GKAP1: variants seen among roughly 807,000 people sequenced by gnomAD.
GKAP1 encodes the protein G kinase-anchoring protein 1.
GKAP1 carries 31 observed loss-of-function variants against 56.7 expected under a neutral mutation model. The observed-to-expected ratio is 0.55, with a 90% CI of 0.41 to 0.74. GKAP1 has a LOEUF of 0.74. Ranked by LOEUF, GKAP1 falls within the 30% of genes least tolerant of loss-of-function variation. The pLI is 0.00. For missense variants in GKAP1, 364 were observed against 402.3 expected, an observed-to-expected ratio of 0.90 and a Z score of 0.82; for synonymous variants, 151 against 138.6, an observed-to-expected ratio of 1.09 and a Z score of -0.63.
intron 10 of GKAP1, among the ~76,000 whole-genome samples, chr9:83,746,295 T>C (rs143003419): frequency 7.2e-5 from 11 of 152,354 alleles, no homozygotes; most frequent in East Asian, 1.9e-4. Flanking sequence ...TGGTATACAA[T>C]TGCTTGCAGG....
intron 12 of GKAP1, 48 bp downstream of exon 12, chr9:83,741,904 C>T: frequency 8.5e-7 from 1 of 1,175,344 alleles, no homozygotes; most frequent in Non-Finnish European, 1.2e-6. Context: ...GTATCTACTC[C>T]AAATGTATTA....
chr9:83,780,252 G>C (rs972443469), intron 7 of GKAP1, 130 bp downstream of exon 7: 2 of 560,170 alleles, frequency 3.6e-6, no homozygotes, highest in African/African-American at 4.0e-5. Context: ...ACATGACTGG[G>C]TTCACTCAAG....
intron 4 of GKAP1, among the ~76,000 whole-genome samples, chr9:83,798,663 G>A (rs528185919): frequency 2.6e-5 from 4 of 152,016 alleles, no homozygotes; most frequent in Non-Finnish European, 4.4e-5. Flanking sequence ...ACAAGTGTGC[G>A]CCTCCATGCC....
intron 9 of GKAP1, among the ~76,000 whole-genome samples, chr9:83,751,363 C>G (rs1315887421): frequency 6.6e-6 from 1 of 152,140 alleles, no homozygotes; most frequent in East Asian, 1.9e-4. Flanking sequence ...TTTGTCTGTT[C>G]TTCTGGAGCA....
At chr9:83,794,910 T>A (rs1021289931) in intron 4 of GKAP1, among the ~76,000 whole-genome samples, 1 of 151,930 alleles carries the variant, frequency 6.6e-6, no homozygotes, top group East Asian at 1.9e-4. Flanking sequence ...AGCACTTTGG[T>A]AGGTGGAGGT....
rs1018669307 is a variant in GKAP1, at chr9:83,759,900, G to A, written c.739-6541C>T. ...CTTCAAAAAGTCTTTAACGTCTGCT[G>A]ACTAAATTATAAACCAGCCTTTAAA... On this transcript the variant is annotated intron_variant, in intron 8 of 12. Transcript: ENST00000376371. Among the ~76,000 whole-genome samples the A allele has an allele frequency of 5.3e-5, 8 of 152,254 alleles. No homozygotes were observed. The East Asian group carries it at 1.3e-3, about 26-fold the overall frequency.
At chr9:83,813,047 T>C (rs186852132) in intron 2 of GKAP1, among the ~76,000 whole-genome samples, 3 of 152,310 alleles carry the variant, frequency 2.0e-5, no homozygotes, top group Admixed American at 2.0e-4. Context: ...TAAAAGATAC[T>C]ATATTTCAGG....
At chr9:83,803,451 C>T (rs564154973) in intron 3 of GKAP1, among the ~76,000 whole-genome samples, 8 of 152,338 alleles carry the variant, frequency 5.3e-5, no homozygotes, top group Admixed American at 2.0e-4. Context: ...GACGGGGTTT[C>T]GCTGTGTTGG....
intron 8 of GKAP1, 45 bp downstream of exon 8, chr9:83,768,773 T>C (rs1232042318): frequency 1.3e-6 from 2 of 1,543,582 alleles, no homozygotes; most frequent in Admixed American, 3.8e-5. Context: ...AAAAATTACA[T>C]TTCAATTTCA....
At chr9:83,745,885 T>G (rs1291973881) in intron 10 of GKAP1, among the ~76,000 whole-genome samples, 1 of 151,986 alleles carries the variant, frequency 6.6e-6, no homozygotes, top group South Asian at 2.1e-4. Flanking sequence ...CTGCCTCCTG[T>G]GTTCAAGTGA....
At chr9:83,748,746 T>C (rs10780632) in intron 9 of GKAP1, 86,743 of 153,952 alleles carry the variant, frequency 0.56, 25,060 homozygotes, top group Admixed American at 0.7. Context: ...CAGTACTGTC[T>C]GGCAATATAC....
At chr9:83,765,037 GA>G (rs1943638591) in intron 8 of GKAP1, among the ~76,000 whole-genome samples, 1 of 152,196 alleles carries the variant, frequency 6.6e-6, no homozygotes, top group African/African-American at 2.4e-5. Flanking sequence ...GACCTTCACA[GA>G]AGCCCCTCCC....
At chr9:83,748,393 A>T (rs1326295811) in intron 9 of GKAP1, 21 bp from the exon 10 acceptor site, 2 of 1,422,118 alleles carry the variant, frequency 1.4e-6, no homozygotes, top group Admixed American at 4.1e-5. Context: ...AAGAAAAAAG[A>T]TTTAGTTTTT....
chr9:83,789,609 C>T (rs1288495189), intron 4 of GKAP1, among the ~76,000 whole-genome samples: 3 of 152,050 alleles, frequency 2.0e-5, no homozygotes, highest in African/African-American at 7.2e-5. Context: ...TCCAAAGTCC[C>T]ATGGTTTCAG....
At position 83,739,677 on chromosome 9, in the gene GKAP1, G is replaced by A. The variant is rs1156662716; in HGVS notation, c.*20C>T. 1 of 1,584,600 alleles carries A rather than the reference G, an allele frequency of 6.3e-7. No individual in the cohort carries two copies. The highest frequency in any genetic ancestry group is 8.6e-7 in the Non-Finnish European group (1 of 1,164,882). ...TCCTGGAAGTTTTAAACTTTGTGTT[G>A]ACTTCAAAGGCTAATGTAATCACCT... is the stretch of plus-strand genomic sequence containing the variant. On this transcript the variant is annotated 3_prime_UTR_variant, in exon 13 of 13. Coordinates refer to ENST00000376371, the MANE Select transcript of GKAP1 (RefSeq NM_025211.4).
At chr9:83,786,961 T>C (rs1944075225) in intron 5 of GKAP1, among the ~76,000 whole-genome samples, 1 of 152,214 alleles carries the variant, frequency 6.6e-6, no homozygotes, top group South Asian at 2.1e-4. Flanking sequence ...ATAAATTTTA[T>C]CTCCTAATTG....
intron 5 of GKAP1, 56 bp downstream of exon 5, chr9:83,788,545 T>G: frequency 9.9e-7 from 1 of 1,005,462 alleles, no homozygotes; most frequent in Non-Finnish European, 1.5e-6. Context: ...TAGGTTGATT[T>G]TAACCTCTCA....
intron 8 of GKAP1, among the ~76,000 whole-genome samples, chr9:83,757,119 A>G (rs998402836): frequency 3.3e-5 from 5 of 152,182 alleles, no homozygotes; most frequent in Non-Finnish European, 7.3e-5. Context: ...GTATAGAAAA[A>G]GGAAAATTAT....
intron 10 of GKAP1, among the ~76,000 whole-genome samples, chr9:83,746,174 T>C (rs1232289482): frequency 1.3e-5 from 2 of 152,204 alleles, no homozygotes; most frequent in African/African-American, 4.8e-5. Context: ...AGAGTATTCA[T>C]GTTCTGTTCA....
Sources: allele counts gnomAD v4.1 joint callset (sites outside exome capture counted in the v4.1 genomes callset), GRCh38; gene constraint gnomAD v4.1.1; transcripts MANE v1.5; gene names NCBI Gene and HGNC (gene_info 2026-07-23, HGNC 2026-07-21).